The following AUTS2 variants were observed in gnomAD, a reference collection of about 807,000 sequenced individuals.
AUTS2 encodes the protein autism susceptibility gene 2 protein.
AUTS2 carries 17 observed loss-of-function variants against 112.4 expected under a neutral mutation model. The ratio of observed to expected loss-of-function variants is 0.15; its 90% CI spans 0.10 to 0.23. AUTS2 has a LOEUF of 0.23. AUTS2 is among the 10% of genes least tolerant of loss of function. The pLI, the probability that AUTS2 is intolerant of heterozygous loss-of-function variation, is 1.00. For synonymous variants in AUTS2, 751 were observed against 702.7 expected, an observed-to-expected ratio of 1.07 and a Z score of -1.09; for missense variants, 1,510 against 1,701.6, an observed-to-expected ratio of 0.89 and a Z score of 1.98.
chr7:70,610,622 A>G lies in AUTS2; in HGVS notation c.691-87947A>G, dbSNP rs189178292. Among the ~76,000 whole-genome samples, 152 of 151,816 alleles carry G rather than the reference A, an allele frequency of 1.0e-3. 1 individual carries two copies. Among genetic ancestry groups the G allele is most frequent in the African/African-American group, 3.6e-3 (150 of 41,440 alleles). On this transcript the variant is annotated intron_variant, in intron 5 of 18. Coordinates refer to ENST00000342771, the MANE Select transcript of AUTS2 (RefSeq NM_015570.4). ...CCTGGCTAATTTTTAATTTTTATAT[A>G]GAGACCAGGTCTCACTATGTTGCCC... is the stretch of plus-strand genomic sequence containing the variant.
chr7:69,887,949 G>C (rs1210513061), intron 1 of AUTS2, among the ~76,000 whole-genome samples: 1 of 152,038 alleles, frequency 6.6e-6, no homozygotes, highest in Non-Finnish European at 1.5e-5. Flanking sequence ...GCATATAGGG[G>C]AATAGAAATG....
chr7:69,599,753 G>A lies in AUTS2; in HGVS notation c.100G>A (p.Ala34Thr), dbSNP rs1162829456. 9.5e-6 allele frequency: 13 copies of A among 1,363,828 alleles called. No homozygotes were observed. The highest frequency in any genetic ancestry group is 3.1e-5 in the African/African-American group (2 of 65,442). 84.5% of individuals were successfully genotyped at this position (1,363,828 alleles called of 1,614,324 possible). The stretch of plus-strand genomic sequence containing the variant: ...CTCCCGGGGCGGGCTGGGGGCCGGC[G>A]CGGCCGGCGGCGGCGGGGCTGGCCG... Reference protein sequence around the residue: ...RRSRGGLGAGAAGGGGAGRTR... With the variant: ...RRSRGGLGAGTAGGGGAGRTR... Residue 34 changes from alanine (A) to threonine (T), a missense_variant, in exon 1 of 19, where the codon GCG (alanine) becomes ACG (threonine). Physicochemically the swap from Ala to Thr is moderately conservative, Grantham distance 58. Transcript: ENST00000342771. The surrounding 1 kb of genome is among the most constrained non-coding windows in gnomAD (Gnocchi z 7.0).
chr7:69,872,665 A>G (rs1793550357), intron 1 of AUTS2, among the ~76,000 whole-genome samples: 1 of 151,628 alleles, frequency 6.6e-6, no homozygotes, highest in African/African-American at 2.4e-5. Flanking sequence ...GTGGCAGATT[A>G]GTATCCTGTG....
At chr7:70,016,106 G>A (rs1323228801) in intron 2 of AUTS2, among the ~76,000 whole-genome samples, 1 of 152,124 alleles carries the variant, frequency 6.6e-6, no homozygotes, top group African/African-American at 2.4e-5. Flanking sequence ...AACAAAGGCT[G>A]TAAATTAATG....
chr7:69,602,092 G>GTA (rs1213828963), intron 1 of AUTS2, among the ~76,000 whole-genome samples: 3 of 125,072 alleles, frequency 2.4e-5, no homozygotes, highest in Admixed American at 8.3e-5. Flanking sequence ...GTGTGTGTGT[G>GTA]TATATCTCAC....
intron 2 of AUTS2, among the ~76,000 whole-genome samples, chr7:70,105,465 C>T (rs1804718300): frequency 6.6e-6 from 1 of 152,032 alleles, no homozygotes; most frequent in Non-Finnish European, 1.5e-5. Context: ...TGCTATGTTT[C>T]CCACGCTGAT....
At chr7:69,702,730 A>C (rs1797874254) in intron 1 of AUTS2, among the ~76,000 whole-genome samples, 2 of 152,196 alleles carry the variant, frequency 1.3e-5, no homozygotes, top group Admixed American at 1.3e-4. Flanking sequence ...ACTGAATCAG[A>C]ATCTCCAGTG....
intron 4 of AUTS2, among the ~76,000 whole-genome samples, chr7:70,388,995 A>G (rs1793733756): frequency 6.6e-6 from 1 of 152,220 alleles, no homozygotes; most frequent in Non-Finnish European, 1.5e-5. Flanking sequence ...AGAGGAGCTC[A>G]GGGAGAGCAA....
chr7:70,265,386 A>G (rs1057063941), intron 4 of AUTS2, among the ~76,000 whole-genome samples: 5 of 152,154 alleles, frequency 3.3e-5, no homozygotes, highest in African/African-American at 1.2e-4. Context: ...AATGTGATAA[A>G]TGAACGTATT....
At chr7:70,104,592 G>T (rs1227983998) in intron 2 of AUTS2, among the ~76,000 whole-genome samples, 1 of 152,152 alleles carries the variant, frequency 6.6e-6, no homozygotes, top group Non-Finnish European at 1.5e-5. Flanking sequence ...AATTGTTCAG[G>T]AATTAGCCTC....
At chr7:69,974,375 G>A (rs991362268) in intron 2 of AUTS2, among the ~76,000 whole-genome samples, 2 of 149,260 alleles carry the variant, frequency 1.3e-5, no homozygotes, top group African/African-American at 5.0e-5. Context: ...CAAGTTTTGT[G>A]TTCCATTGAT....
intron 1 of AUTS2, among the ~76,000 whole-genome samples, chr7:69,876,828 G>A (rs1231648669): frequency 6.6e-6 from 1 of 151,926 alleles, no homozygotes; most frequent in Non-Finnish European, 1.5e-5. Context: ...AACATGTGTT[G>A]GTGAGCAGGT....
At chr7:70,433,607 C>T (rs1277076857) in intron 4 of AUTS2, among the ~76,000 whole-genome samples, 1 of 152,168 alleles carries the variant, frequency 6.6e-6, no homozygotes, top group Non-Finnish European at 1.5e-5. Context: ...AACCACTCAT[C>T]AGGTCAAAGA....
chr7:70,525,804 C>T (rs1354375791), intron 5 of AUTS2, among the ~76,000 whole-genome samples: 8 of 152,184 alleles, frequency 5.3e-5, no homozygotes, highest in South Asian at 2.1e-4. Context: ...AGAGAGGTGG[C>T]CTGGAGGAGG....
intron 1 of AUTS2, among the ~76,000 whole-genome samples, chr7:69,695,922 A>C (rs986663859): frequency 1.3e-5 from 2 of 152,314 alleles, no homozygotes; most frequent in Admixed American, 6.5e-5. Context: ...CCTTCTTGAC[A>C]CTCAAGAAAT....
intron 4 of AUTS2, among the ~76,000 whole-genome samples, chr7:70,301,631 C>A (rs1412284012): frequency 1.3e-5 from 2 of 152,074 alleles, no homozygotes; most frequent in Non-Finnish European, 2.9e-5. Context: ...AATCTGATAA[C>A]AAATAACTTT....
intron 2 of AUTS2, among the ~76,000 whole-genome samples, chr7:69,932,619 A>T (rs1796267080): frequency 6.6e-6 from 1 of 152,238 alleles, no homozygotes; most frequent in African/African-American, 2.4e-5. Context: ...TTAGAACCTT[A>T]ACACACAGCT....
chr7:70,386,066 T>A (rs1793593578), intron 4 of AUTS2, among the ~76,000 whole-genome samples: 1 of 152,214 alleles, frequency 6.6e-6, no homozygotes, highest in Admixed American at 6.5e-5. Flanking sequence ...GCTTTTCAGG[T>A]GGCTTAGATG....
intron 6 of AUTS2, among the ~76,000 whole-genome samples, chr7:70,699,681 A>G (rs1809338647): frequency 6.6e-6 from 1 of 152,206 alleles, no homozygotes; most frequent in African/African-American, 2.4e-5. Flanking sequence ...ATTGAATTTT[A>G]TCTTTTTTTA....
Sources: allele counts gnomAD v4.1 joint callset (sites outside exome capture counted in the v4.1 genomes callset), GRCh38; gene constraint gnomAD v4.1.1; non-coding constraint Gnocchi (gnomAD v3.1); transcripts MANE v1.5; gene names NCBI Gene and HGNC (gene_info 2026-07-23, HGNC 2026-07-21).